Variants in MDGA2 observed in about 807,000 individuals in gnomAD.
MDGA2 encodes MAM domain containing glycosylphosphatidylinositol anchor 2, also known as MAM domain-containing glycosylphosphatidylinositol anchor protein 2.
Under a neutral mutation model 117.8 loss-of-function variants are expected in MDGA2, and 40 were observed. The ratio of observed to expected loss-of-function variants is 0.34; its 90% CI spans 0.26 to 0.44. The LOEUF is 0.44. Ranked by LOEUF, MDGA2 falls within the 20% of genes least tolerant of loss-of-function variation. The probability of loss-of-function intolerance (pLI) is 1.00; values close to 1 mark genes in which losing one functional copy is unlikely to be tolerated. For missense variants in MDGA2, 1,123 were observed against 1,250.6 expected (o/e 0.90, Z 1.54); for synonymous variants, 452 against 439.0 (o/e 1.03, Z -0.37).
intron 10 of MDGA2, among the ~76,000 whole-genome samples, chr14:46,905,035 G>C (rs993925838): frequency 7.9e-5 from 12 of 152,134 alleles, no homozygotes; most frequent in Admixed American, 5.2e-4. Flanking sequence ...GGAACATGCA[G>C]GGACAGCCCT....
At chr14:47,338,845 T>C (rs1890536170) in intron 1 of MDGA2, among the ~76,000 whole-genome samples, 2 of 152,120 alleles carry the variant, frequency 1.3e-5, no homozygotes, top group Non-Finnish European at 2.9e-5. Flanking sequence ...GTAGTGAATA[T>C]TTTCACTCCT....
chr14:47,596,566 C>T (rs1896546676), intron 1 of MDGA2, among the ~76,000 whole-genome samples: 1 of 152,166 alleles, frequency 6.6e-6, no homozygotes. Context: ...TCCCAGGAAG[C>T]CCGTTTTATC....
chr14:47,024,628 T>G (rs1258082929), intron 8 of MDGA2, among the ~76,000 whole-genome samples: 2 of 152,190 alleles, frequency 1.3e-5, no homozygotes, highest in Non-Finnish European at 2.9e-5. Flanking sequence ...AAACTCGTAT[T>G]TCATTGAATG....
Position 47,674,729 on chromosome 14 carries a change from C to T in MDGA2, c.68G>A (p.Arg23Gln), listed in dbSNP as rs757117529. The T allele has an allele frequency of 2.1e-5, 17 of 802,346 alleles. No homozygotes were observed. Among genetic ancestry groups the T allele is most frequent in the Non-Finnish European group, 3.2e-5 (15 of 468,174 alleles). 49.7% of individuals were successfully genotyped at this position (802,346 alleles called of 1,614,324 possible). A position where few individuals can be genotyped will look rare whatever the true frequency, so the allele number is the denominator to read the frequency against. ...AACCGCTCGCCGAAGGAGGAAGCGCCGTCCGTCTGTCCTTCCCCGGCGGCG... is the reference window on the plus strand; with the variant it reads ...AACCGCTCGCCGAAGGAGGAAGCGCTGTCCGTCTGTCCTTCCCCGGCGGCG... ...RRRRRGRTDG[R>Q]RFLLRRAVPG... The change falls in exon 1 of 17, where the codon CGG becomes CAG. Residue 23 changes from arginine (R) to glutamine (Q), a missense_variant. Transcript: ENST00000399232.
intron 7 of MDGA2, among the ~76,000 whole-genome samples, chr14:47,038,656 G>A (rs954249490): frequency 6.6e-6 from 1 of 151,994 alleles, no homozygotes; most frequent in African/African-American, 2.4e-5. Flanking sequence ...TCTCTTCCTA[G>A]GCTAGATGCG....
At chr14:47,116,612 A>G (rs185375924) in intron 5 of MDGA2, among the ~76,000 whole-genome samples, 22 of 152,084 alleles carry the variant, frequency 1.4e-4, no homozygotes, top group Middle Eastern at 3.4e-3. Flanking sequence ...ATCCACAAAT[A>G]TATGTTTGAC....
chr14:47,301,542 T>C lies in MDGA2; in HGVS notation c.289A>G (p.Thr97Ala), dbSNP rs1330731096. The part of the protein sequence containing the change: ...ISGQGVYAPP[T>A]VRIVHSGLAC... ...AAGCCTGAGTGCACAATACGAACCG[T>C]GGGAGGAGCTGTCGAGTCAGGAAGA... The change falls in exon 2 of 17, where the codon ACG (threonine) becomes GCG (alanine). Residue 97 changes from threonine (T) to alanine (A), a missense_variant. Thr to Ala is a moderately conservative substitution (Grantham distance 58, BLOSUM62 0). Coordinates refer to ENST00000399232, the MANE Select transcript of MDGA2 (RefSeq NM_001113498.3). The C allele has an allele frequency of 1.9e-6, 3 of 1,551,484 alleles. No individual in the cohort carries two copies. The highest frequency in any genetic ancestry group is 2.6e-6 in the Non-Finnish European group (3 of 1,146,936).
intron 1 of MDGA2, among the ~76,000 whole-genome samples, chr14:47,633,587 G>GA (rs1399311538): frequency 2.0e-5 from 3 of 152,072 alleles, no homozygotes; most frequent in African/African-American, 4.8e-5. Context: ...GGGCATATAA[G>GA]AAAAAACGCC....
intron 1 of MDGA2, among the ~76,000 whole-genome samples, chr14:47,371,806 A>C (rs1261933578): frequency 6.6e-6 from 1 of 151,826 alleles, no homozygotes; most frequent in Non-Finnish European, 1.5e-5. Flanking sequence ...GATTTATGTT[A>C]TAACATCATA....
At chr14:47,530,938 T>C (rs1467606115) in intron 1 of MDGA2, among the ~76,000 whole-genome samples, 2 of 152,178 alleles carry the variant, frequency 1.3e-5, no homozygotes, top group African/African-American at 4.8e-5. Context: ...GTTTTTAGAC[T>C]AAAGTTAATT....
intron 8 of MDGA2, among the ~76,000 whole-genome samples, chr14:47,015,047 A>C (rs949095438): frequency 6.6e-6 from 1 of 152,150 alleles, no homozygotes; most frequent in Non-Finnish European, 1.5e-5. Context: ...TAATTGTAAT[A>C]TTGTTGTGTC....
At chr14:47,046,313 A>G (rs1260896147) in intron 7 of MDGA2, among the ~76,000 whole-genome samples, 1 of 152,072 alleles carries the variant, frequency 6.6e-6, no homozygotes, top group Non-Finnish European at 1.5e-5. Context: ...AATTCCTCAA[A>G]TTAACTTTCT....
intron 1 of MDGA2, among the ~76,000 whole-genome samples, chr14:47,662,575 G>C (rs1017353279): frequency 1.3e-5 from 2 of 152,068 alleles, no homozygotes; most frequent in Non-Finnish European, 2.9e-5. Context: ...GAATCAAAAA[G>C]ATATAATGAC....
chr14:47,189,916 A>T (rs2139401520), intron 3 of MDGA2, among the ~76,000 whole-genome samples: 1 of 152,282 alleles, frequency 6.6e-6, no homozygotes, highest in Admixed American at 6.5e-5. Context: ...AAAAAGAAAT[A>T]ATGAGGCTGT....
At position 46,845,796 on chromosome 14, in the gene MDGA2, C is replaced by G. The variant is rs1400978180; in HGVS notation, c.2959G>C (p.Glu987Gln). The G allele has an allele frequency of 6.2e-7, 1 of 1,613,186 alleles. No individual in the cohort carries two copies. The highest frequency in any genetic ancestry group is 1.3e-5 in the African/African-American group (1 of 75,010). ...GTTGCTAGGTCTTGTTTTGCACATTCTCCTTCTGCAATTGATACATCATCA... is the reference window on the plus strand; with the variant it reads ...GTTGCTAGGTCTTGTTTTGCACATTGTCCTTCTGCAATTGATACATCATCA... ...AIDDVSIAEG[E>Q]CAKQDLATKN... is the part of the protein sequence containing the mutation. Residue 987 changes from glutamate (E) to glutamine (Q), a missense_variant, in exon 16 of 17, where the codon GAA (glutamate) becomes CAA (glutamine). Glu to Gln is a conservative substitution (Grantham distance 29). Coordinates refer to ENST00000399232, the MANE Select transcript of MDGA2 (RefSeq NM_001113498.3).
chr14:47,632,586 T>C (rs1897260311), intron 1 of MDGA2, among the ~76,000 whole-genome samples: 1 of 152,226 alleles, frequency 6.6e-6, no homozygotes, highest in Non-Finnish European at 1.5e-5. Context: ...AAACTTGTTA[T>C]CTTAAAAGAT....
intron 14 of MDGA2, among the ~76,000 whole-genome samples, chr14:46,857,774 C>G (rs927797280): frequency 2.0e-5 from 3 of 152,112 alleles, no homozygotes; most frequent in African/African-American, 7.2e-5. Context: ...CCCACCTCAG[C>G]TTCCAAAGTA....
chr14:47,516,236 T>C (rs1894747957), intron 1 of MDGA2, among the ~76,000 whole-genome samples: 1 of 152,118 alleles, frequency 6.6e-6, no homozygotes, highest in Non-Finnish European at 1.5e-5. Flanking sequence ...AGTAAAACCA[T>C]GAGTTTACAG....
chr14:47,327,146 T>C (rs1890167805), intron 1 of MDGA2, among the ~76,000 whole-genome samples: 1 of 152,144 alleles, frequency 6.6e-6, no homozygotes, highest in Admixed American at 6.6e-5. Flanking sequence ...AACACAGCCA[T>C]TGACAAACTG....
Sources: allele counts gnomAD v4.1 joint callset (sites outside exome capture counted in the v4.1 genomes callset), GRCh38; gene constraint gnomAD v4.1.1; transcripts MANE v1.5; gene names NCBI Gene and HGNC (gene_info 2026-07-23, HGNC 2026-07-21).